The following CCDC40 variants were observed in gnomAD, a reference collection of about 807,000 sequenced individuals.
CCDC40 encodes the protein coiled-coil domain-containing protein 40.
Under a neutral mutation model 124.5 loss-of-function variants are expected in CCDC40, and 104 were observed. The observed-to-expected ratio is 0.84, with a 90% CI of 0.71 to 0.98. The LOEUF (loss-of-function observed/expected upper bound fraction) is 0.98, where lower values mean the gene tolerates loss of function less well. Among genes scored for constraint, CCDC40 ranks in the 50% least tolerant of loss-of-function variants. CCDC40 has a pLI of 0.00. For synonymous variants in CCDC40, 580 were observed against 602.9 expected (o/e 0.96, Z 0.56); for missense variants, 1,463 against 1,503.9 (o/e 0.97, Z 0.45).
chr17:80,083,619 G>A (rs1216560932), intron 12 of CCDC40, among the ~76,000 whole-genome samples: 1 of 152,200 alleles, frequency 6.6e-6, no homozygotes, highest in East Asian at 1.9e-4. Context: ...GCATCTCCCT[G>A]TTCCCAGAGC....
At chr17:80,095,699 G>A (rs146644898) in intron 18 of CCDC40, among the ~76,000 whole-genome samples, 4 of 152,254 alleles carry the variant, frequency 2.6e-5, no homozygotes, top group East Asian at 3.9e-4. Context: ...TTAGAGGGGC[G>A]TGCTCAGCAC....
At position 80,099,973 on chromosome 17, in the gene CCDC40, A is replaced by G. The variant is rs572325639; in HGVS notation, c.*198A>G. On this transcript the variant is annotated 3_prime_UTR_variant, in exon 20 of 20. Transcript: ENST00000397545. ...AATTTAATAAACCAGGTAAAATCCT[A>G]GCGTTTCCCATGGCATCCCATCGCA... 24 of 627,920 alleles carry G rather than the reference A, an allele frequency of 3.8e-5. No individual in the cohort carries two copies. The East Asian group carries it at 6.4e-4, about 17-fold the overall frequency. The allele number at this position is 627,920 out of a possible 1,614,324, so 38.9% of individuals were successfully genotyped here.
intron 17 of CCDC40, 66 bp from the exon 18 acceptor site, chr17:80,095,191 CGCCCCG>C: frequency 7.0e-7 from 1 of 1,433,480 alleles, no homozygotes; most frequent in Non-Finnish European, 9.8e-7. Flanking sequence ...GCGAGGCCAG[CGCCCCG>C]GCCACTCTCT....
At chr17:80,068,895 G>A (rs764429978) in intron 10 of CCDC40, among the ~76,000 whole-genome samples, 9 of 152,338 alleles carry the variant, frequency 5.9e-5, no homozygotes, top group East Asian at 5.8e-4. Context: ...ACACAGGAGC[G>A]GATGACACAG....
chr17:80,067,552 C>T, intron 10 of CCDC40: 1 of 1,526,972 alleles, frequency 6.5e-7, no homozygotes, highest in Non-Finnish European at 8.8e-7. Flanking sequence ...ACCGCTCGTT[C>T]CCGCCTTTCT....
intron 7 of CCDC40, 47 bp downstream of exon 7, chr17:80,050,330 T>C: frequency 6.9e-7 from 1 of 1,453,136 alleles, no homozygotes; most frequent in Non-Finnish European, 9.4e-7. Flanking sequence ...CTGGAGGGTT[T>C]CCCAGGGGTG....
chr17:80,061,518 C>T (rs2037895995), intron 9 of CCDC40, among the ~76,000 whole-genome samples: 1 of 152,228 alleles, frequency 6.6e-6, no homozygotes. Flanking sequence ...AGGAGACTCG[C>T]CCTGTGTGCT....
chr17:80,087,782 GC>G lies in CCDC40; in HGVS notation c.2619+8del. 1 of 1,613,758 alleles carries G rather than the reference GC, an allele frequency of 6.2e-7. No individual in the cohort carries two copies. The highest frequency in any genetic ancestry group is 8.5e-7 in the Non-Finnish European group (1 of 1,179,770). ...AGTTCGTGCGCTCGCTGAAGGTCCGGCCGTGTCCACGCAGTCCCGGGGCTCA... is the reference window on the plus strand; with the variant it reads ...AGTTCGTGCGCTCGCTGAAGGTCCGGCGTGTCCACGCAGTCCCGGGGCTCA... On this transcript the variant is annotated splice_region_variant and intron_variant, in intron 15 of 19. Transcript: ENST00000397545. This position sits in a 1 kb window ranked among gnomAD's most constrained non-coding sequence, Gnocchi z 4.5.
intron 4 of CCDC40, 180 bp downstream of exon 4, chr17:80,047,582 C>G (rs1004245831): frequency 6.1e-6 from 4 of 659,314 alleles, no homozygotes; most frequent in Non-Finnish European, 1.1e-5. Context: ...ACTGTTTTAT[C>G]TCATTTAATC....
chr17:80,095,663 G>T (rs1487812510), intron 18 of CCDC40, among the ~76,000 whole-genome samples: 1 of 152,190 alleles, frequency 6.6e-6, no homozygotes, highest in Non-Finnish European at 1.5e-5. Context: ...CTGGGTTCGG[G>T]GTCAGGGGTG....
intron 3 of CCDC40, among the ~76,000 whole-genome samples, chr17:80,040,892 G>A (rs1179451207): frequency 2.0e-5 from 3 of 152,138 alleles, no homozygotes; most frequent in African/African-American, 7.2e-5. Context: ...GCTACAGAGA[G>A]CTCTCCAAAT....
rs1246238501 is a variant in CCDC40, at chr17:80,066,052, C to T, written c.1562+446C>T. ...GAGGCCTCCTCTGGGCATCCCCTCA[C>T]TTCTGGGGATGGATGCGTGGCTCAG... On this transcript the variant is annotated intron_variant, in intron 10 of 19. Coordinates refer to ENST00000397545, the MANE Select transcript of CCDC40 (RefSeq NM_017950.4). This position sits in a 1 kb window ranked among gnomAD's most constrained non-coding sequence, Gnocchi z 4.4. 3 of 701,860 alleles carry T rather than the reference C, an allele frequency of 4.3e-6. No individual in the cohort carries two copies. The highest frequency in any genetic ancestry group is 7.8e-6 in the Non-Finnish European group (3 of 384,408). 43.5% of individuals were successfully genotyped at this position (701,860 alleles called of 1,614,324 possible). A position where few individuals can be genotyped will look rare whatever the true frequency, so the allele number is the denominator to read the frequency against.
At chr17:80,050,038 T>C (rs761183027) in intron 6 of CCDC40, 26 bp from the exon 7 acceptor site, 36 of 1,613,610 alleles carry the variant, frequency 2.2e-5, no homozygotes, top group Non-Finnish European at 8.5e-7. Flanking sequence ...TGCGTCCTGG[T>C]GACCCTGTTT....
At chr17:80,085,839 T>G (rs2038575624) in intron 13 of CCDC40, among the ~76,000 whole-genome samples, 164 bp from the exon 14 acceptor site, 1 of 151,876 alleles carries the variant, frequency 6.6e-6, no homozygotes, top group Non-Finnish European at 1.5e-5. Flanking sequence ...CTGGCTAATT[T>G]TTGTATTTTG....
intron 1 of CCDC40, among the ~76,000 whole-genome samples, chr17:80,037,008 A>G (rs781242178): frequency 3.3e-5 from 5 of 151,274 alleles, no homozygotes; most frequent in Non-Finnish European, 7.4e-5. Context: ...CATGGCAACC[A>G]CTCTGCGTGG....
chr17:80,099,503 T>TA (rs778116649), intron 19 of CCDC40, 24 bp from the exon 20 acceptor site: 1 of 1,602,194 alleles, frequency 6.2e-7, no homozygotes, highest in Non-Finnish European at 8.5e-7. Context: ...CATAGCCCTA[T>TA]ATGGAGTCTC....
intron 7 of CCDC40, among the ~76,000 whole-genome samples, chr17:80,051,065 C>T (rs919573693): frequency 6.6e-5 from 10 of 152,220 alleles, no homozygotes; most frequent in African/African-American, 1.9e-4. Context: ...GATAAAGCAA[C>T]GTCCTTGCAC....
At chr17:80,036,744 G>A (rs2037069115) in intron 1 of CCDC40, 53 bp downstream of exon 1, 1 of 1,452,612 alleles carries the variant, frequency 6.9e-7, no homozygotes, top group Admixed American at 2.3e-5. Flanking sequence ...CGCGCTCTCC[G>A]TTCACCGCTC....
rs7210679 is a variant in CCDC40, at chr17:80,090,197, A to G, written c.2832+313A>G. The G allele has an allele frequency of 0.091, 75,685 of 827,246 alleles. 8,706 individuals carry two copies. The highest frequency in any genetic ancestry group is 0.14 in the Admixed American group (4,314 of 30,406). The allele number at this position is 827,246 out of a possible 1,614,324, so 51.2% of individuals were successfully genotyped here. ...CACGTGCACGAACAACACGGGACGC[A>G]CGCAGGCACGTGCACGAAGAACACG... On this transcript the variant is annotated intron_variant, in intron 17 of 19. Transcript: ENST00000397545.
Sources: allele counts gnomAD v4.1 joint callset (sites outside exome capture counted in the v4.1 genomes callset), GRCh38; gene constraint gnomAD v4.1.1; non-coding constraint Gnocchi (gnomAD v3.1); transcripts MANE v1.5; gene names NCBI Gene and HGNC (gene_info 2026-07-23, HGNC 2026-07-21).